The following SH3PXD2A variants were observed in gnomAD, a reference collection of about 807,000 sequenced individuals.
SH3PXD2A encodes SH3 and PX domains 2A.
In SH3PXD2A, 32 loss-of-function variants were observed where a neutral mutation model predicts 115.2. The ratio of observed to expected loss-of-function variants is 0.28; its 90% CI spans 0.21 to 0.37. SH3PXD2A has a LOEUF of 0.37. Ranked by LOEUF, SH3PXD2A falls within the 10% of genes least tolerant of loss-of-function variation. The pLI is 1.00. For synonymous variants in SH3PXD2A, 610 were observed against 629.1 expected (o/e 0.97, Z 0.45); for missense variants, 1,328 against 1,498.7 (o/e 0.89, Z 1.88).
At chr10:103,855,030 G>C (rs187363306) in intron 1 of SH3PXD2A, among the ~76,000 whole-genome samples, 165 bp downstream of exon 1, 27 of 152,050 alleles carry the variant, frequency 1.8e-4, no homozygotes, top group Non-Finnish European at 3.7e-4. Flanking sequence ...AAGGACAGAA[G>C]AGGCTTCCCT....
chr10:103,621,707 C>T (rs1369832099), intron 10 of SH3PXD2A, among the ~76,000 whole-genome samples: 1 of 152,226 alleles, frequency 6.6e-6, no homozygotes. Context: ...GCAGCCCAGC[C>T]CTGGGGCTTT....
At chr10:103,778,682 A>G (rs1247080326) in intron 2 of SH3PXD2A, among the ~76,000 whole-genome samples, 2 of 152,190 alleles carry the variant, frequency 1.3e-5, no homozygotes, top group Admixed American at 6.5e-5. Context: ...TTGAAGGTAA[A>G]GAGACTCCGG....
intron 13 of SH3PXD2A, among the ~76,000 whole-genome samples, chr10:103,611,149 T>G (rs989635737): frequency 2.0e-5 from 3 of 152,208 alleles, no homozygotes; most frequent in Non-Finnish European, 2.9e-5. Flanking sequence ...AGACGTTCAC[T>G]GATCTGCCCT....
rs539125927 is a variant in SH3PXD2A at position 103,656,100 on chromosome 10, C to T, written c.604+4883G>A. Among the ~76,000 whole-genome samples the T allele has an allele frequency of 5.9e-5, 9 of 152,294 alleles. No individual in the cohort carries two copies. The East Asian group carries it at 1.5e-3, about 26-fold the overall frequency. On this transcript the variant is annotated intron_variant, in intron 8 of 14. Transcript: ENST00000369774. ...GTATATAGACTTAGATCTTAAACCCCGTACTGGAATTCTGGATTCTTCACC... is the reference window on the plus strand; with the variant it reads ...GTATATAGACTTAGATCTTAAACCCTGTACTGGAATTCTGGATTCTTCACC...
intron 8 of SH3PXD2A, among the ~76,000 whole-genome samples, chr10:103,639,029 C>T (rs529727658): frequency 6.6e-6 from 1 of 152,250 alleles, no homozygotes; most frequent in Non-Finnish European, 1.5e-5. Context: ...TGGCATGAGG[C>T]CTCTCCAGGA....
intron 8 of SH3PXD2A, among the ~76,000 whole-genome samples, chr10:103,651,970 C>T (rs1468602053): frequency 6.6e-6 from 1 of 152,234 alleles, no homozygotes; most frequent in Non-Finnish European, 1.5e-5. Flanking sequence ...TGCTATCGCA[C>T]ACCAGTCTCA....
intron 1 of SH3PXD2A, among the ~76,000 whole-genome samples, chr10:103,845,436 TGA>T (rs1842835913): frequency 6.7e-6 from 1 of 149,442 alleles, no homozygotes; most frequent in Non-Finnish European, 1.5e-5. Flanking sequence ...GCAACGAGAG[TGA>T]CCTCTGGTCA....
rs1160083351 is a variant in SH3PXD2A at position 103,627,527 on chromosome 10, G to A, written c.605-325C>T. Reference sequence around the variant, plus strand: ...TTGCAGGAAAGGCCAAGGGAGCTCCGGCCATACAGAGAGACCATTTATGGT... The same window carrying A: ...TTGCAGGAAAGGCCAAGGGAGCTCCAGCCATACAGAGAGACCATTTATGGT... On this transcript the variant is annotated intron_variant, in intron 8 of 14. Coordinates refer to ENST00000369774, the MANE Select transcript of SH3PXD2A (RefSeq NM_001394015.1). The surrounding 1 kb of genome is among the most constrained non-coding windows in gnomAD (Gnocchi z 4.4). Among the ~76,000 whole-genome samples, 4 of 152,136 alleles carry A rather than the reference G, an allele frequency of 2.6e-5. No individual in the cohort carries two copies. The highest frequency in any genetic ancestry group is 2.1e-4 in the South Asian group (1 of 4,828).
Position 103,605,937 on chromosome 10 carries a change from A to G in SH3PXD2A, c.1309-20T>C, listed in dbSNP as rs1044329981. Reference sequence around the variant, plus strand: ...GAACCCCTAAGGTTAAGGAACACACAGTGGGCAAAACCCGCCTAAATCAGA... The same window carrying G: ...GAACCCCTAAGGTTAAGGAACACACGGTGGGCAAAACCCGCCTAAATCAGA... On this transcript the variant is annotated intron_variant, in intron 13 of 14. Transcript: ENST00000369774. The G allele has an allele frequency of 1.2e-6, 2 of 1,612,878 alleles. No individual in the cohort carries two copies. Among genetic ancestry groups the G allele is most frequent in the Non-Finnish European group, 1.7e-6 (2 of 1,179,208 alleles).
intron 1 of SH3PXD2A, among the ~76,000 whole-genome samples, chr10:103,829,506 G>C (rs2039465024): frequency 6.6e-6 from 1 of 152,210 alleles, no homozygotes; most frequent in South Asian, 2.1e-4. Context: ...AGCCTTTGAA[G>C]ATGATGGATT....
chr10:103,759,258 G>A (rs965083908), intron 3 of SH3PXD2A, among the ~76,000 whole-genome samples: 6 of 152,158 alleles, frequency 3.9e-5, no homozygotes, highest in South Asian at 2.1e-4. Flanking sequence ...GTAAACTGGC[G>A]AGTCAGTACA....
intron 1 of SH3PXD2A, among the ~76,000 whole-genome samples, chr10:103,849,145 C>T (rs1287249075): frequency 6.6e-6 from 1 of 151,850 alleles, no homozygotes; most frequent in Non-Finnish European, 1.5e-5. Flanking sequence ...GTGGTGCTGC[C>T]TGGACTCACT....
intron 9 of SH3PXD2A, among the ~76,000 whole-genome samples, chr10:103,623,645 G>C (rs2036645038): frequency 6.6e-6 from 1 of 152,162 alleles, no homozygotes; most frequent in South Asian, 2.1e-4. Flanking sequence ...AAGGGTAGGA[G>C]GTGTGGACTC....
intron 1 of SH3PXD2A, among the ~76,000 whole-genome samples, chr10:103,807,686 T>C (rs900953435): frequency 1.3e-5 from 2 of 152,212 alleles, no homozygotes; most frequent in African/African-American, 4.8e-5. Context: ...ATGTACATGC[T>C]CCTTGTTCCC....
chr10:103,753,495 CAAAAA>C (rs58148179), intron 3 of SH3PXD2A, among the ~76,000 whole-genome samples: 3 of 65,444 alleles, frequency 4.6e-5, no homozygotes, highest in Non-Finnish European at 2.9e-5. Flanking sequence ...GACCCCATCT[CAAAAA>C]AAAAAAAAAA....
intron 1 of SH3PXD2A, among the ~76,000 whole-genome samples, chr10:103,824,682 A>G (rs1250590969): frequency 6.6e-6 from 1 of 152,076 alleles, no homozygotes; most frequent in East Asian, 1.9e-4. Context: ...TGTCTCCACC[A>G]TCCAGGCTGC....
At chr10:103,738,945 C>T (rs753248785) in intron 3 of SH3PXD2A, among the ~76,000 whole-genome samples, 86 of 151,396 alleles carry the variant, frequency 5.7e-4, no homozygotes, top group Non-Finnish European at 1.0e-3. Flanking sequence ...CAGGCATGTG[C>T]CACCACACCC....
chr10:103,663,729 G>A (rs958185733), intron 7 of SH3PXD2A, among the ~76,000 whole-genome samples: 2 of 152,236 alleles, frequency 1.3e-5, no homozygotes, highest in South Asian at 2.1e-4. Context: ...TAGGGCAGAC[G>A]GCAATGGCCA....
chr10:103,735,097 A>C (rs2038365227), intron 4 of SH3PXD2A, among the ~76,000 whole-genome samples: 2 of 152,356 alleles, frequency 1.3e-5, no homozygotes, highest in South Asian at 4.1e-4. Flanking sequence ...AGGGCCGCTC[A>C]TCCTCTGGTA....
Sources: allele counts gnomAD v4.1 joint callset (sites outside exome capture counted in the v4.1 genomes callset), GRCh38; gene constraint gnomAD v4.1.1; non-coding constraint Gnocchi (gnomAD v3.1); transcripts MANE v1.5; gene names NCBI Gene and HGNC (gene_info 2026-07-23, HGNC 2026-07-21).